ABHD17C: variants seen among roughly 807,000 people sequenced by gnomAD.
ABHD17C encodes abhydrolase domain containing 17C, depalmitoylase, also known as alpha/beta hydrolase domain-containing protein 17C.
A neutral mutation model predicts 27.9 loss-of-function variants in ABHD17C; 11 were observed. The observed-to-expected ratio is 0.39, with a 90% confidence interval of 0.25 to 0.65. ABHD17C has a LOEUF of 0.65. Among genes scored for constraint, ABHD17C ranks in the 30% least tolerant of loss-of-function variants. The pLI is 0.45. For synonymous variants in ABHD17C, 233 were observed against 209.1 expected, an observed-to-expected ratio of 1.11 and a Z score of -0.98; for missense variants, 280 against 470.2, an observed-to-expected ratio of 0.60 and a Z score of 3.74.
chr15:80,702,233 G>C (rs1567030089), intron 1 of ABHD17C, among the ~76,000 whole-genome samples: 1 of 152,172 alleles, frequency 6.6e-6, no homozygotes, highest in Non-Finnish European at 1.5e-5. Flanking sequence ...GCCTCACTGA[G>C]ACCTCCCTGT....
intron 1 of ABHD17C, among the ~76,000 whole-genome samples, chr15:80,722,670 A>G (rs1230613240): frequency 6.6e-6 from 1 of 151,958 alleles, no homozygotes; most frequent in African/African-American, 2.4e-5. Context: ...ACCTCCAGAT[A>G]TTTATTTCAT....
At chr15:80,705,790 T>C (rs1336035151) in intron 1 of ABHD17C, among the ~76,000 whole-genome samples, 1 of 152,204 alleles carries the variant, frequency 6.6e-6, no homozygotes, top group African/African-American at 2.4e-5. Context: ...TTGTTGCTTA[T>C]GGCCTCAAGA....
At chr15:80,704,102 G>A (rs1359128552) in intron 1 of ABHD17C, among the ~76,000 whole-genome samples, 1 of 152,216 alleles carries the variant, frequency 6.6e-6, no homozygotes, top group Non-Finnish European at 1.5e-5. Context: ...AGGGGAGAGT[G>A]CTATAGATGG....
At chr15:80,712,309 G>T (rs1409568513) in intron 1 of ABHD17C, among the ~76,000 whole-genome samples, 1 of 152,204 alleles carries the variant, frequency 6.6e-6, no homozygotes, top group Non-Finnish European at 1.5e-5. Context: ...TCAGGTTCAG[G>T]ATGTGGGGCC....
intron 1 of ABHD17C, among the ~76,000 whole-genome samples, chr15:80,726,501 GTTTTTTTTT>G (rs10572505): frequency 1.1e-5 from 1 of 94,508 alleles, no homozygotes; most frequent in African/African-American, 5.4e-5. Flanking sequence ...TCTTTTTCTG[GTTTTTTTTT>G]TTTTTTTTTT....
intron 1 of ABHD17C, among the ~76,000 whole-genome samples, chr15:80,730,602 A>G (rs1474606873): frequency 6.6e-6 from 1 of 152,252 alleles, no homozygotes; most frequent in East Asian, 1.9e-4. Context: ...TGTTCTGCCA[A>G]AGAAAAGTCA....
intron 1 of ABHD17C, among the ~76,000 whole-genome samples, chr15:80,733,261 C>T (rs1219133575): frequency 1.3e-5 from 2 of 152,156 alleles, no homozygotes; most frequent in Non-Finnish European, 2.9e-5. Flanking sequence ...TGTTTTAGTC[C>T]AGCATTAAGA....
At chr15:80,702,437 C>G (rs1219887305) in intron 1 of ABHD17C, among the ~76,000 whole-genome samples, 1 of 152,162 alleles carries the variant, frequency 6.6e-6, no homozygotes, top group Non-Finnish European at 1.5e-5. Context: ...TCTCCAAAAA[C>G]CAAAATCAAG....
Position 80,754,675 on chromosome 15 carries a change from C to T in ABHD17C, c.*305C>T. The T allele has an allele frequency of 3.9e-6, 1 of 255,828 alleles. No individual in the cohort carries two copies. The highest frequency in any genetic ancestry group is 7.5e-6 in the Non-Finnish European group (1 of 132,714). The allele number at this position is 255,828 out of a possible 1,614,324, so 15.8% of individuals were successfully genotyped here. Reference sequence around the variant, plus strand: ...ATAAAGTAGCCTCGCATCTGTTTCTCAACCTTATCCATCATTTCTGACATT... The same window carrying T: ...ATAAAGTAGCCTCGCATCTGTTTCTTAACCTTATCCATCATTTCTGACATT... On this transcript the variant is annotated 3_prime_UTR_variant, in exon 3 of 3. Coordinates refer to ENST00000258884, the MANE Select transcript of ABHD17C (RefSeq NM_021214.2).
chr15:80,728,131 C>A (rs1257803621), intron 1 of ABHD17C, among the ~76,000 whole-genome samples: 3 of 152,104 alleles, frequency 2.0e-5, no homozygotes, highest in Non-Finnish European at 2.9e-5. Flanking sequence ...TAAACTGTTG[C>A]CAGGATTAGA....
intron 1 of ABHD17C, among the ~76,000 whole-genome samples, chr15:80,720,746 C>A (rs1267845735): frequency 6.6e-5 from 10 of 152,002 alleles, no homozygotes; most frequent in Non-Finnish European, 1.5e-4. Context: ...CATGGTGAAA[C>A]TCCGTCTCTA....
intron 1 of ABHD17C, among the ~76,000 whole-genome samples, chr15:80,728,627 C>T (rs1895015612): frequency 6.6e-6 from 1 of 152,198 alleles, no homozygotes; most frequent in Admixed American, 6.5e-5. Context: ...AGTCCTTGAC[C>T]TCACTTTCTT....
At chr15:80,707,491 C>T (rs1894663201) in intron 1 of ABHD17C, among the ~76,000 whole-genome samples, 1 of 151,914 alleles carries the variant, frequency 6.6e-6, no homozygotes, top group African/African-American at 2.4e-5. Context: ...TTTGGCTTCC[C>T]TGGGCCACAT....
At chr15:80,730,046 T>C (rs1442864786) in intron 1 of ABHD17C, among the ~76,000 whole-genome samples, 1 of 152,074 alleles carries the variant, frequency 6.6e-6, no homozygotes, top group African/African-American at 2.4e-5. Flanking sequence ...GTGAACCCAG[T>C]TGCAGTGAGC....
chr15:80,749,923 G>A (rs1330688156), intron 2 of ABHD17C, among the ~76,000 whole-genome samples: 1 of 152,188 alleles, frequency 6.6e-6, no homozygotes, highest in East Asian at 1.9e-4. Context: ...AGGACCTTGA[G>A]TATACTGACG....
At chr15:80,726,501 G>GTTTGTTTTTTTTTTTTTTTTT (rs1894978114) in intron 1 of ABHD17C, among the ~76,000 whole-genome samples, 1 of 94,508 alleles carries the variant, frequency 1.1e-5, no homozygotes, top group African/African-American at 5.4e-5. Flanking sequence ...TCTTTTTCTG[G>GTTTGTTTTTTTTTTTTTTTTT]TTTTTTTTTT....
At chr15:80,714,090 A>G (rs1894770818) in intron 1 of ABHD17C, among the ~76,000 whole-genome samples, 1 of 152,016 alleles carries the variant, frequency 6.6e-6, no homozygotes, top group Non-Finnish European at 1.5e-5. Context: ...AGTAGCTGGG[A>G]CTACAGGTGC....
chr15:80,699,870 AGGAGAGCTCATTGAGCATGAT>A (rs1282338028), intron 1 of ABHD17C, among the ~76,000 whole-genome samples: 1 of 152,230 alleles, frequency 6.6e-6, no homozygotes, highest in Non-Finnish European at 1.5e-5. Context: ...ATGAACAATG[AGGAGAGCTCATTGAGCATGAT>A]GGAGAGCCCC....
chr15:80,731,873 A>G (rs1402318939), intron 1 of ABHD17C, among the ~76,000 whole-genome samples: 2 of 152,200 alleles, frequency 1.3e-5, no homozygotes, highest in African/African-American at 4.8e-5. Context: ...TTGTGGTAAA[A>G]GAGACATAAA....
Sources: gnomAD v4.1 joint callset for allele counts (sites outside exome capture counted in the v4.1 genomes callset) on GRCh38, gnomAD v4.1.1 for gene constraint, MANE v1.5 for transcripts, NCBI Gene and HGNC (gene_info 2026-07-23, HGNC 2026-07-21) for gene names.